RALYL: variants seen among roughly 807,000 people sequenced by gnomAD.
RALYL encodes RNA-binding Raly-like protein.
A neutral mutation model predicts 35.1 loss-of-function variants in RALYL; 29 were observed. That is an observed-to-expected ratio of 0.83 (90% CI 0.61 to 1.13). The LOEUF (loss-of-function observed/expected upper bound fraction) is 1.13, where lower values mean the gene tolerates loss of function less well. RALYL is among the 50% of genes most tolerant of loss of function. The pLI, the probability that RALYL is intolerant of heterozygous loss-of-function variation, is 0.00. For missense variants in RALYL, 359 were observed against 360.4 expected (o/e 1.00, Z 0.03); for synonymous variants, 120 against 127.6 (o/e 0.94, Z 0.40).
chr8:84,451,026 A>G (rs2049412753), intron 1 of RALYL, among the ~76,000 whole-genome samples: 1 of 152,014 alleles, frequency 6.6e-6, no homozygotes. Context: ...TGTGGTCCAC[A>G]GGCAAGTCAA....
chr8:84,841,510 A>G (rs1833340067), intron 4 of RALYL, among the ~76,000 whole-genome samples: 1 of 152,204 alleles, frequency 6.6e-6, no homozygotes, highest in Non-Finnish European at 1.5e-5. Context: ...CTCCAACACA[A>G]TAATAATGGG....
chr8:84,366,283 A>C (rs1056776742), intron 1 of RALYL, among the ~76,000 whole-genome samples: 1 of 152,236 alleles, frequency 6.6e-6, no homozygotes, highest in African/African-American at 2.4e-5. Context: ...AAGAGGGCAA[A>C]TTATTCAACC....
chr8:84,795,717 G>A (rs1222620825), intron 3 of RALYL, among the ~76,000 whole-genome samples: 6 of 152,118 alleles, frequency 3.9e-5, no homozygotes, highest in Admixed American at 3.3e-4. Flanking sequence ...GCAGACATAG[G>A]TTAATTACAG....
intron 1 of RALYL, among the ~76,000 whole-genome samples, chr8:84,260,446 A>G (rs539059632): frequency 2.0e-5 from 3 of 152,112 alleles, no homozygotes; most frequent in African/African-American, 7.2e-5. Flanking sequence ...GTTCTCCTCT[A>G]TGTGGCCTGC....
chr8:84,566,058 T>TCATA (rs893294187), intron 2 of RALYL, among the ~76,000 whole-genome samples: 1 of 151,530 alleles, frequency 6.6e-6, no homozygotes, highest in Non-Finnish European at 1.5e-5. Context: ...GCTACTAGTA[T>TCATA]CCTTTGATAA....
At chr8:84,907,886 T>G (rs1846802873) in intron 8 of RALYL, among the ~76,000 whole-genome samples, 1 of 152,090 alleles carries the variant, frequency 6.6e-6, no homozygotes, top group Non-Finnish European at 1.5e-5. Context: ...TTGATATTTG[T>G]GACCAAAAAA....
At chr8:84,687,631 G>A (rs1004583941) in intron 2 of RALYL, among the ~76,000 whole-genome samples, 1 of 152,094 alleles carries the variant, frequency 6.6e-6, no homozygotes, top group Non-Finnish European at 1.5e-5. Context: ...AAAATGTGTT[G>A]CATAATTGGC....
At chr8:84,765,624 G>A (rs1357717713) in intron 2 of RALYL, among the ~76,000 whole-genome samples, 1 of 151,950 alleles carries the variant, frequency 6.6e-6, no homozygotes, top group Non-Finnish European at 1.5e-5. Context: ...ACTTTTTGGT[G>A]GTATGGTGCT....
chr8:84,870,977 G>T (rs1185339567), intron 6 of RALYL, among the ~76,000 whole-genome samples: 1 of 152,132 alleles, frequency 6.6e-6, no homozygotes, highest in Admixed American at 6.5e-5. Flanking sequence ...TGCTTTGCAG[G>T]ACCTAGATGA....
At chr8:84,809,406 G>A (rs550850808) in intron 4 of RALYL, among the ~76,000 whole-genome samples, 266 of 152,176 alleles carry the variant, frequency 1.7e-3, no homozygotes, top group Middle Eastern at 3.4e-3. Context: ...AAGGATTTTA[G>A]CATCTATGTT....
chr8:84,862,272 C>G (rs755035882), intron 5 of RALYL, 24 bp from the exon 6 acceptor site: 1 of 1,458,430 alleles, frequency 6.9e-7, no homozygotes, highest in African/African-American at 1.4e-5. Context: ...AACCAACTCT[C>G]AGTCCCATTT....
intron 4 of RALYL, among the ~76,000 whole-genome samples, chr8:84,811,176 G>T (rs757117698): frequency 3.9e-5 from 6 of 151,954 alleles, no homozygotes; most frequent in Non-Finnish European, 7.4e-5. Flanking sequence ...AAGATTTAGA[G>T]CTCCTTTTAG....
rs142836357 is a variant in RALYL, at chr8:84,836,874, C to T, written c.366-13106C>T. ...TCTTCTGCATTCATAATTTCTAGAA[C>T]TAACCATGGGTATTCTGAAGAATAG... On this transcript the variant is annotated intron_variant, in intron 4 of 8. Coordinates refer to ENST00000521268, the MANE Select transcript of RALYL (RefSeq NM_173848.7). 1.4e-4 allele frequency among the ~76,000 whole-genome samples: 22 copies of T among 152,280 alleles called. No individual in the cohort carries two copies. The East Asian group carries it at 4.3e-3, about 29-fold the overall frequency.
intron 1 of RALYL, among the ~76,000 whole-genome samples, chr8:84,196,573 G>T (rs1163212002): frequency 2.0e-5 from 3 of 152,070 alleles, no homozygotes; most frequent in African/African-American, 7.2e-5. Flanking sequence ...TATCTAGTTT[G>T]TATTGTATAC....
intron 2 of RALYL, among the ~76,000 whole-genome samples, chr8:84,660,397 C>A (rs1346323890): frequency 6.6e-6 from 1 of 151,872 alleles, no homozygotes; most frequent in Non-Finnish European, 1.5e-5. Context: ...TTGTTAATTT[C>A]TGCTTTAATC....
chr8:84,289,652 A>G (rs576019105), intron 1 of RALYL, among the ~76,000 whole-genome samples: 2 of 152,294 alleles, frequency 1.3e-5, no homozygotes, highest in South Asian at 4.1e-4. Context: ...TATTTGGACA[A>G]ATGTTTAAAT....
chr8:84,749,382 A>G (rs1424452382), intron 2 of RALYL, among the ~76,000 whole-genome samples: 5 of 152,082 alleles, frequency 3.3e-5, no homozygotes, highest in Non-Finnish European at 4.4e-5. Context: ...TTCTGCACCT[A>G]TTACACTCCT....
At chr8:84,685,221 G>T (rs1836509215) in intron 2 of RALYL, among the ~76,000 whole-genome samples, 1 of 152,144 alleles carries the variant, frequency 6.6e-6, no homozygotes, top group South Asian at 2.1e-4. Context: ...AAACAGAAGA[G>T]CAGCCGTGAG....
rs1849288693 is a variant in RALYL, at chr8:84,921,335, A to G, written c.*424A>G. ...TTATTTCCAACAATGTCATGTAAGA[A>G]AAGATGCATCTTATGCTAGTTTTTA... is the stretch of plus-strand genomic sequence containing the variant. On this transcript the variant is annotated 3_prime_UTR_variant, in exon 9 of 9. Transcript: ENST00000521268. 6.5e-6 allele frequency: 1 copy of G among 153,516 alleles called. No individual in the cohort carries two copies. The allele number at this position is 153,516 out of a possible 1,614,324, so 9.5% of individuals were successfully genotyped here. A position where few individuals can be genotyped will look rare whatever the true frequency, so the allele number is the denominator to read the frequency against.
Sources: allele counts gnomAD v4.1 joint callset (sites outside exome capture counted in the v4.1 genomes callset), GRCh38; gene constraint gnomAD v4.1.1; transcripts MANE v1.5; gene names NCBI Gene and HGNC (gene_info 2026-07-23, HGNC 2026-07-21).